The following RIT2 variants were observed in gnomAD, a reference collection of about 807,000 sequenced individuals.
RIT2 encodes GTP-binding protein Rit2.
RIT2 carries 24 observed loss-of-function variants against 23.7 expected under a neutral mutation model. That is an observed-to-expected ratio of 1.01 (90% CI 0.73 to 1.43). RIT2 has a LOEUF of 1.43. RIT2 is among the 40% of genes most tolerant of loss of function. The probability of loss-of-function intolerance (pLI) is 0.00; values close to 1 mark genes in which losing one functional copy is unlikely to be tolerated. For missense variants in RIT2, 236 were observed against 266.9 expected, an observed-to-expected ratio of 0.88 and a Z score of 0.81; for synonymous variants, 107 against 91.1, an observed-to-expected ratio of 1.17 and a Z score of -0.99.
chr18:42,817,433 T>C (rs1442454871), intron 4 of RIT2, among the ~76,000 whole-genome samples: 3 of 152,186 alleles, frequency 2.0e-5, no homozygotes, highest in Admixed American at 6.5e-5. Context: ...AATTGGATAA[T>C]GTTCATGTAG....
At chr18:42,798,205 C>T (rs1196425493) in intron 4 of RIT2, among the ~76,000 whole-genome samples, 3 of 152,104 alleles carry the variant, frequency 2.0e-5, no homozygotes, top group Non-Finnish European at 4.4e-5. Context: ...TTAAGTAACC[C>T]CTATGTTTCA....
intron 4 of RIT2, among the ~76,000 whole-genome samples, chr18:42,858,816 T>G (rs141580202): frequency 8.5e-5 from 13 of 152,340 alleles, no homozygotes; most frequent in African/African-American, 3.1e-4. Context: ...ATGTGGTCTT[T>G]TATGTCTGTA....
chr18:43,058,586 A>G lies in RIT2; in HGVS notation c.104-24719T>C, dbSNP rs79790098. On this transcript the variant is annotated intron_variant, in intron 1 of 4. Transcript: ENST00000326695. ...ACACTGTCATTGAAAATTCAAGTCT[A>G]TAAAAAATAACTGTTTCTCGTCAGG... Among the ~76,000 whole-genome samples, 837 of 152,240 alleles carry G rather than the reference A, an allele frequency of 5.5e-3. 15 individuals carry two copies. Among genetic ancestry groups the G allele is most frequent in the East Asian group, 0.039 (199 of 5,168 alleles).
chr18:42,946,045 G>C (rs115741793), intron 3 of RIT2, among the ~76,000 whole-genome samples: 1 of 152,118 alleles, frequency 6.6e-6, no homozygotes, highest in African/African-American at 2.4e-5. Flanking sequence ...TGAATACTTT[G>C]GGTGCATATT....
At chr18:43,057,797 A>ATTTTTTTTTTT (rs1306990856) in intron 1 of RIT2, among the ~76,000 whole-genome samples, 1 of 85,026 alleles carries the variant, frequency 1.2e-5, no homozygotes, top group African/African-American at 5.8e-5. Flanking sequence ...AGTGATGGAC[A>ATTTTTTTTTTT]CTTTTTTTTT....
chr18:43,020,168 C>A (rs1911562419), intron 2 of RIT2, among the ~76,000 whole-genome samples: 1 of 151,956 alleles, frequency 6.6e-6, no homozygotes, highest in Non-Finnish European at 1.5e-5. Context: ...GCATTTTTCA[C>A]AGAAATAGAA....
At chr18:43,039,098 A>C (rs1485718928) in intron 1 of RIT2, among the ~76,000 whole-genome samples, 1 of 152,174 alleles carries the variant, frequency 6.6e-6, no homozygotes, top group Non-Finnish European at 1.5e-5. Context: ...GCAGATTGTC[A>C]GTTCTGGTTC....
intron 4 of RIT2, among the ~76,000 whole-genome samples, chr18:42,814,517 A>G (rs1905940733): frequency 6.6e-6 from 1 of 152,080 alleles, no homozygotes; most frequent in Admixed American, 6.5e-5. Flanking sequence ...TCATAACTCC[A>G]TTGACCTGGG....
rs151223295 is a variant in RIT2 at position 42,917,625 on chromosome 18, T to C, written c.426+5947A>G. On this transcript the variant is annotated intron_variant, in intron 4 of 4. Transcript: ENST00000326695. ...GACTGACTAAATAGAAATGTATTCA[T>C]ACCACAATTCTGCTCAAATGTTTTA... is the stretch of plus-strand genomic sequence containing the variant. Among the ~76,000 whole-genome samples, 25 of 152,286 alleles carry C rather than the reference T, an allele frequency of 1.6e-4. No individual in the cohort carries two copies. In the East Asian group the frequency reaches 4.1e-3, roughly 25 times the overall value.
chr18:43,091,144 A>T (rs1598779967), intron 1 of RIT2, among the ~76,000 whole-genome samples: 1 of 151,818 alleles, frequency 6.6e-6, no homozygotes, highest in African/African-American at 2.4e-5. Context: ...GTTTTCATTT[A>T]CTATTCATTT....
intron 4 of RIT2, among the ~76,000 whole-genome samples, chr18:42,800,628 C>G (rs1198097431): frequency 1.3e-5 from 2 of 151,084 alleles, no homozygotes; most frequent in Admixed American, 1.3e-4. Flanking sequence ...CTCCCGGGTT[C>G]ACGCCATTCT....
intron 4 of RIT2, among the ~76,000 whole-genome samples, chr18:42,806,923 C>T (rs1031586029): frequency 3.9e-5 from 6 of 152,028 alleles, no homozygotes; most frequent in African/African-American, 1.4e-4. Flanking sequence ...TCTAGGCTAG[C>T]GGGTTAAAAG....
At position 42,923,770 on chromosome 18, in the gene RIT2, GAAAA is replaced by G. The variant is rs10633642; in HGVS notation, c.235-11_235-8del. 4.0e-5 allele frequency: 57 copies of G among 1,432,838 alleles called. No individual in the cohort carries two copies. The highest frequency in any genetic ancestry group is 6.6e-5 in the South Asian group (5 of 75,560). 88.8% of individuals were successfully genotyped at this position (1,432,838 alleles called of 1,614,324 possible). A position where few individuals can be genotyped will look rare whatever the true frequency, so the allele number is the denominator to read the frequency against. On this transcript the variant is annotated splice_polypyrimidine_tract_variant and splice_region_variant and intron_variant, in intron 3 of 4. Coordinates refer to ENST00000326695, the MANE Select transcript of RIT2 (RefSeq NM_002930.4). The stretch of plus-strand genomic sequence containing the variant: ...GCATGGCTGTGAATTCTGCCTGCAG[GAAAA>G]AAAAAAAAAAATTAGTTATGGGCTT...
chr18:42,825,670 AT>A (rs138085388), intron 4 of RIT2, among the ~76,000 whole-genome samples: 16,293 of 151,714 alleles, frequency 0.11, 988 homozygotes, highest in Middle Eastern at 0.24. Context: ...AGTAGCAAAG[AT>A]TTCATGCCTG....
chr18:42,822,340 A>C (rs1229876214), intron 4 of RIT2, among the ~76,000 whole-genome samples: 1 of 152,120 alleles, frequency 6.6e-6, no homozygotes, highest in Non-Finnish European at 1.5e-5. Flanking sequence ...CATGCATAAA[A>C]CTTGGGATCC....
At chr18:42,907,246 A>C (rs1908647488) in intron 4 of RIT2, among the ~76,000 whole-genome samples, 1 of 152,202 alleles carries the variant, frequency 6.6e-6, no homozygotes, top group Admixed American at 6.5e-5. Context: ...ACAAGTGTAG[A>C]GGTCACAAGA....
intron 4 of RIT2, among the ~76,000 whole-genome samples, chr18:42,885,318 G>A (rs1907992669): frequency 6.6e-6 from 1 of 152,210 alleles, no homozygotes; most frequent in South Asian, 2.1e-4. Context: ...AGGCACAGTG[G>A]CTCACGCCCC....
chr18:42,801,559 G>A (rs2143962833), intron 4 of RIT2, among the ~76,000 whole-genome samples: 1 of 152,252 alleles, frequency 6.6e-6, no homozygotes, highest in Admixed American at 6.5e-5. Flanking sequence ...GTTACAAAAT[G>A]TGAAAAATTT....
At chr18:42,963,987 C>T (rs1299691226) in intron 3 of RIT2, among the ~76,000 whole-genome samples, 2 of 150,828 alleles carry the variant, frequency 1.3e-5, no homozygotes, top group East Asian at 2.0e-4. Context: ...GTCAGGAGTT[C>T]GAGACCAGCC....
Sources: allele counts gnomAD v4.1 joint callset (sites outside exome capture counted in the v4.1 genomes callset), GRCh38; gene constraint gnomAD v4.1.1; transcripts MANE v1.5; gene names NCBI Gene and HGNC (gene_info 2026-07-23, HGNC 2026-07-21).